PTP4A2: variants seen among roughly 807,000 people sequenced by gnomAD.
The protein encoded by PTP4A2 is protein tyrosine phosphatase type IVA 2.
A neutral mutation model predicts 22.9 loss-of-function variants in PTP4A2; 2 were observed. The observed-to-expected ratio is 0.09, with a 90% CI of 0.04 to 0.27. The LOEUF (loss-of-function observed/expected upper bound fraction) is 0.27. PTP4A2 is among the 10% of genes least tolerant of loss of function. The pLI, the probability that PTP4A2 is intolerant of heterozygous loss-of-function variation, is 1.00. For synonymous variants in PTP4A2, 68 were observed against 69.1 expected, an observed-to-expected ratio of 0.98 and a Z score of 0.08; for missense variants, 103 against 205.1, an observed-to-expected ratio of 0.50 and a Z score of 3.04.
At chr1:31,925,122 A>C (rs1437942205) in intron 1 of PTP4A2, among the ~76,000 whole-genome samples, 2 of 152,208 alleles carry the variant, frequency 1.3e-5, no homozygotes, top group Admixed American at 1.3e-4. Flanking sequence ...GGGTTGGGGC[A>C]GGGCCAGGAA....
chr1:31,914,923 A>G (rs1342374516), intron 3 of PTP4A2, among the ~76,000 whole-genome samples: 1 of 152,234 alleles, frequency 6.6e-6, no homozygotes, highest in African/African-American at 2.4e-5. Flanking sequence ...AGTATCAGAA[A>G]CTATGCTGAT....
In PTP4A2 at chr1:31,918,831, G is replaced by A. The variant is rs1397798838; in HGVS notation, c.96+139C>T. The A allele has an allele frequency of 5.5e-6, 3 of 544,454 alleles. 1 individual carries two copies. Among genetic ancestry groups the A allele is most frequent in the Admixed American group, 6.8e-5 (2 of 29,546 alleles). The allele number at this position is 544,454 out of a possible 1,614,324, so 33.7% of individuals were successfully genotyped here. ...CAAAATGTTCTTGAAAAAATCTGCT[G>A]TAACTAACCCAACCCAATTCAAACC... On this transcript the variant is annotated intron_variant, in intron 2 of 5. Transcript: ENST00000647444.
In PTP4A2 at chr1:31,908,111, AAAATATATATATATATATATAT is replaced by A. The variant is rs1651274952; in HGVS notation, c.*719_*740del. The A allele has an allele frequency of 1.9e-5, 1 of 51,994 alleles. No individual in the cohort carries two copies. Among genetic ancestry groups the A allele is most frequent in the African/African-American group, 8.9e-5 (1 of 11,188 alleles). 3.2% of individuals were successfully genotyped at this position (51,994 alleles called of 1,614,324 possible). Reference sequence around the variant, plus strand: ...TCAGTAAAGACTAAAAACCACCTGGAAAATATATATATATATATATATATTATATTATATATATATATATATA... The same window carrying A: ...TCAGTAAAGACTAAAAACCACCTGGAATTATATTATATATATATATATATA... On this transcript the variant is annotated 3_prime_UTR_variant, in exon 6 of 6. Transcript: ENST00000647444.
In PTP4A2 at chr1:31,919,461, G is replaced by C. The variant is rs1652027746; in HGVS notation, c.-396C>G. On this transcript the variant is annotated 5_prime_UTR_variant, in exon 2 of 6. Transcript: ENST00000647444. ...TTACTGGAGTCATTAAAAGAAATAT[G>C]CTTGCAATTAAAAAAAAAAAAAGCC... 6.6e-6 allele frequency: 1 copy of C among 151,114 alleles called. No homozygotes were observed. The highest frequency in any genetic ancestry group is 1.5e-5 in the Non-Finnish European group (1 of 68,110). 9.4% of individuals were successfully genotyped at this position (151,114 alleles called of 1,614,324 possible).
intron 1 of PTP4A2, among the ~76,000 whole-genome samples, chr1:31,920,659 T>C (rs138861734): frequency 6.7e-6 from 1 of 149,204 alleles, no homozygotes; most frequent in East Asian, 2.1e-4. Flanking sequence ...TGCCTCAGCC[T>C]CCCAAGTAGC....
chr1:31,926,114 C>T (rs1652441830), intron 1 of PTP4A2, among the ~76,000 whole-genome samples: 1 of 134,134 alleles, frequency 7.5e-6, no homozygotes, highest in African/African-American at 2.8e-5. Context: ...GGCCACAGAG[C>T]TAGATTCCGT....
chr1:31,925,686 G>T (rs1027544509), intron 1 of PTP4A2, among the ~76,000 whole-genome samples: 1 of 151,978 alleles, frequency 6.6e-6, no homozygotes, highest in African/African-American at 2.4e-5. Context: ...CGTGAACCCG[G>T]GAGGCAGAGC....
At position 31,906,755 on chromosome 1, in the gene PTP4A2, T is replaced by TACATACAC. The variant is rs1183573394; in HGVS notation, c.*2096_*2097insGTGTATGT. 2 of 133,240 alleles carry TACATACAC rather than the reference T, an allele frequency of 1.5e-5. No individual in the cohort carries two copies. Among genetic ancestry groups the TACATACAC allele is most frequent in the African/African-American group, 5.9e-5 (2 of 33,990 alleles). 8.3% of individuals were successfully genotyped at this position (133,240 alleles called of 1,614,324 possible). A position where few individuals can be genotyped will look rare whatever the true frequency, so the allele number is the denominator to read the frequency against. On this transcript the variant is annotated 3_prime_UTR_variant, in exon 6 of 6. Coordinates refer to ENST00000647444, the MANE Select transcript of PTP4A2 (RefSeq NM_080391.4). ...GCGCGTGCACACACACACACACACA[T>TACATACAC]ACACACACACACACACACACACACA...
At chr1:31,910,403 C>T (rs1313534556) in intron 4 of PTP4A2, 1 of 248,828 alleles carries the variant, frequency 4.0e-6, no homozygotes, top group African/African-American at 2.2e-5. Context: ...GATCCTCCTG[C>T]CTCAGTTCCT....
intron 1 of PTP4A2, among the ~76,000 whole-genome samples, chr1:31,936,847 T>G (rs1557870588): frequency 6.6e-6 from 1 of 152,148 alleles, no homozygotes; most frequent in Non-Finnish European, 1.5e-5. Flanking sequence ...TACTCTCTCT[T>G]ACAGAGCATG....
intron 3 of PTP4A2, among the ~76,000 whole-genome samples, chr1:31,915,381 AG>A (rs1005399492): frequency 2.0e-4 from 30 of 151,970 alleles, no homozygotes; most frequent in African/African-American, 7.3e-4. Flanking sequence ...TTTTGAGACA[AG>A]GTCTTACTCT....
At chr1:31,909,980 C>T (rs1158813178) in intron 5 of PTP4A2, 58 bp downstream of exon 5, 1 of 1,435,698 alleles carries the variant, frequency 7.0e-7, no homozygotes, top group Non-Finnish European at 9.7e-7. Context: ...TTCCATAATT[C>T]CTTCCTCATG....
At chr1:31,937,146 G>A (rs1046979787) in intron 1 of PTP4A2, among the ~76,000 whole-genome samples, 5 of 152,078 alleles carry the variant, frequency 3.3e-5, no homozygotes, top group Admixed American at 6.6e-5. Flanking sequence ...AGCTCTCAGG[G>A]GCCCCAGACT....
chr1:31,935,270 T>G (rs1652885856), intron 1 of PTP4A2, among the ~76,000 whole-genome samples: 1 of 152,092 alleles, frequency 6.6e-6, no homozygotes, highest in African/African-American at 2.4e-5. Flanking sequence ...AAAAACTGTC[T>G]CAAAGCACAC....
chr1:31,922,009 T>C (rs1652179268), intron 1 of PTP4A2, among the ~76,000 whole-genome samples: 1 of 152,136 alleles, frequency 6.6e-6, no homozygotes, highest in South Asian at 2.1e-4. Flanking sequence ...AAACACAAAA[T>C]GTCTACCCTC....
chr1:31,912,890 T>C (rs985968445), intron 3 of PTP4A2: 52 of 370,362 alleles, frequency 1.4e-4, no homozygotes, highest in African/African-American at 3.2e-4. Flanking sequence ...CAGTACATGA[T>C]TGAGTTGACA....
chr1:31,934,367 TA>T (rs1223675803), intron 1 of PTP4A2, among the ~76,000 whole-genome samples: 2 of 152,188 alleles, frequency 1.3e-5, no homozygotes, highest in Non-Finnish European at 2.9e-5. Flanking sequence ...AGCACCCAAA[TA>T]AATCAACCAA....
intron 3 of PTP4A2, 22 bp from the exon 4 acceptor site, chr1:31,911,848 C>CAT (rs781577164): frequency 6.5e-6 from 10 of 1,539,224 alleles, no homozygotes; most frequent in Admixed American, 4.3e-5. Context: ...TGACCTTTTA[C>CAT]ATTAAATTGA....
chr1:31,930,306 C>T (rs1652670118), intron 1 of PTP4A2, among the ~76,000 whole-genome samples: 1 of 152,060 alleles, frequency 6.6e-6, no homozygotes, highest in Admixed American at 6.5e-5. Context: ...TGCCACTGCA[C>T]TCCAACCTGG....
Sources: gnomAD v4.1 joint callset for allele counts (sites outside exome capture counted in the v4.1 genomes callset) on GRCh38, gnomAD v4.1.1 for gene constraint, MANE v1.5 for transcripts, NCBI Gene and HGNC (gene_info 2026-07-23, HGNC 2026-07-21) for gene names.